Variants in SIMC1 observed in about 807,000 individuals in gnomAD.
SIMC1 encodes the protein SUMO interacting motifs containing 1.
A neutral mutation model predicts 82.3 loss-of-function variants in SIMC1; 55 were observed. The ratio of observed to expected loss-of-function variants is 0.67; its 90% CI spans 0.54 to 0.84. SIMC1 has a LOEUF of 0.84. SIMC1 is among the 40% of genes least tolerant of loss of function. SIMC1 has a pLI of 0.00. For missense variants in SIMC1, 915 were observed against 1,107.2 expected (o/e 0.83, Z 2.46); for synonymous variants, 353 against 426.3 (o/e 0.83, Z 2.12).
At chr5:176,279,733 C>T (rs1762893886) in intron 1 of SIMC1, among the ~76,000 whole-genome samples, 1 of 150,794 alleles carries the variant, frequency 6.6e-6, no homozygotes. Flanking sequence ...CGTTATGTAC[C>T]CAGTAGTCAT....
At chr5:176,318,698 C>T (rs1401121803) in intron 5 of SIMC1, among the ~76,000 whole-genome samples, 1 of 152,204 alleles carries the variant, frequency 6.6e-6, no homozygotes, top group African/African-American at 2.4e-5. Flanking sequence ...TCTTTATCTT[C>T]TCATACATTG....
chr5:176,294,864 C>T (rs1286857288), intron 2 of SIMC1, 166 bp from the exon 3 acceptor site: 9 of 941,676 alleles, frequency 9.6e-6, no homozygotes, highest in African/African-American at 1.7e-5. Flanking sequence ...ACTCTGGAGG[C>T]TGAGGCAGGA....
intron 2 of SIMC1, 51 bp from the exon 3 acceptor site, chr5:176,294,979 A>G (rs759059793): frequency 5.9e-6 from 9 of 1,529,704 alleles, no homozygotes; most frequent in East Asian, 2.4e-5. Flanking sequence ...AAAAAAAAAA[A>G]AAAAAAAGAA....
chr5:176,268,965 A>G (rs537464403), intron 1 of SIMC1, among the ~76,000 whole-genome samples: 2 of 152,226 alleles, frequency 1.3e-5, no homozygotes, highest in Non-Finnish European at 2.9e-5. Context: ...CTTACAGAGT[A>G]TGTTTTCTGA....
intron 1 of SIMC1, among the ~76,000 whole-genome samples, chr5:176,288,521 C>A (rs1382591300): frequency 2.0e-5 from 3 of 152,064 alleles, no homozygotes; most frequent in Admixed American, 2.0e-4. Context: ...GAGTTCAGAC[C>A]TTTGATGGCC....
intron 4 of SIMC1, among the ~76,000 whole-genome samples, chr5:176,304,081 T>G (rs1764164828): frequency 6.6e-6 from 1 of 152,160 alleles, no homozygotes. Context: ...AGAACTTCTG[T>G]GCATCAACAG....
chr5:176,308,940 A>G, intron 4 of SIMC1: 1 of 1,098,314 alleles, frequency 9.1e-7, no homozygotes, highest in Non-Finnish European at 1.4e-6. Context: ...AGACTGGAGC[A>G]AAACCAATAG....
chr5:176,329,762 A>T (rs1295799376), intron 7 of SIMC1, among the ~76,000 whole-genome samples: 1 of 152,194 alleles, frequency 6.6e-6, no homozygotes, highest in African/African-American at 2.4e-5. Context: ...GTATTCTAGG[A>T]TTAAACAAAT....
chr5:176,251,706 C>T (rs373451966), intron 1 of SIMC1, among the ~76,000 whole-genome samples: 1 of 151,382 alleles, frequency 6.6e-6, no homozygotes, highest in Non-Finnish European at 1.5e-5. Context: ...GTCTCTGGTT[C>T]TCCTAGGCAG....
chr5:176,310,270 T>G (rs1448741486), intron 4 of SIMC1, among the ~76,000 whole-genome samples: 1 of 152,246 alleles, frequency 6.6e-6, no homozygotes, highest in East Asian at 1.9e-4. Flanking sequence ...GCATAATTTT[T>G]TAATCAAGTT....
intron 9 of SIMC1, 29 bp downstream of exon 9, chr5:176,337,175 A>T: frequency 6.3e-7 from 1 of 1,575,972 alleles, no homozygotes; most frequent in Non-Finnish European, 8.7e-7. Flanking sequence ...CAAGTGGAGT[A>T]GTGGAAGGTC....
At chr5:176,340,742 C>T (rs775998515) in intron 9 of SIMC1, among the ~76,000 whole-genome samples, 1 of 152,206 alleles carries the variant, frequency 6.6e-6, no homozygotes, top group Non-Finnish European at 1.5e-5. Flanking sequence ...AATAATGATA[C>T]AAGTAACCTA....
intron 1 of SIMC1, among the ~76,000 whole-genome samples, chr5:176,271,616 A>G (rs1370235357): frequency 5.9e-5 from 9 of 151,876 alleles, no homozygotes; most frequent in Non-Finnish European, 1.3e-4. Context: ...GTTAATGGGT[A>G]CAAAAATATT....
Position 176,324,749 on chromosome 5 carries a change from G to A in SIMC1, c.2163G>A (p.Arg721=). Residue 721 remains arginine, a synonymous_variant, in exon 7 of 10, where the codon AGG becomes AGA. Coordinates refer to ENST00000429602, the MANE Select transcript of SIMC1 (RefSeq NM_001308195.2). ...GGTTTGTGCTGGACATTCCTGAGAG[G>A]AGCCAGAGGTGAGTCTTGATTTTGT... ...MFGFVLDIPE[R]SQREMFFTTM... 6.3e-7 allele frequency: 1 copy of A among 1,592,762 alleles called. No individual in the cohort carries two copies. Among genetic ancestry groups the A allele is most frequent in the Admixed American group, 1.8e-5 (1 of 56,326 alleles).
Position 176,265,919 on chromosome 5 carries a change from G to A in SIMC1, c.130-23735G>A, listed in dbSNP as rs181040236. ...ATACAAAAAGAGGTTATTCTCAAATGGGGGAGAAGATAATTAAGTATCCTG... is the reference window on the plus strand; with the variant it reads ...ATACAAAAAGAGGTTATTCTCAAATAGGGGAGAAGATAATTAAGTATCCTG... On this transcript the variant is annotated intron_variant, in intron 1 of 9. Transcript: ENST00000429602. Among the ~76,000 whole-genome samples, 45 of 152,204 alleles carry A rather than the reference G, an allele frequency of 3.0e-4. No homozygotes were observed. In the East Asian group the frequency reaches 5.8e-3, roughly 20 times the overall value.
At chr5:176,313,572 C>G (rs1226880411) in intron 4 of SIMC1, 119 bp from the exon 5 acceptor site, 3 of 1,550,672 alleles carry the variant, frequency 1.9e-6, no homozygotes, top group Non-Finnish European at 2.6e-6. Context: ...CTCTTTTAAG[C>G]ACAGGCATAC....
At chr5:176,259,802 A>G (rs905489011) in intron 1 of SIMC1, among the ~76,000 whole-genome samples, 158 of 151,696 alleles carry the variant, frequency 1.0e-3, no homozygotes, top group African/African-American at 3.5e-3. Flanking sequence ...AACTGTAAAT[A>G]CAGGTAAGAA....
intron 1 of SIMC1, among the ~76,000 whole-genome samples, chr5:176,283,399 A>C (rs112188350): frequency 0.14 from 21,718 of 151,836 alleles, 1,566 homozygotes; most frequent in Middle Eastern, 0.21. Context: ...AATTTTCAAC[A>C]CAGAATTTCA....
At chr5:176,333,046 A>G (rs906207823) in intron 7 of SIMC1, among the ~76,000 whole-genome samples, 1 of 152,178 alleles carries the variant, frequency 6.6e-6, no homozygotes, top group East Asian at 1.9e-4. Flanking sequence ...GCTCACGCCT[A>G]TAATCCCAGC....
Sources: gnomAD v4.1 joint callset for allele counts (sites outside exome capture counted in the v4.1 genomes callset) on GRCh38, gnomAD v4.1.1 for gene constraint, MANE v1.5 for transcripts, NCBI Gene and HGNC (gene_info 2026-07-23, HGNC 2026-07-21) for gene names.